REDIC1: variants seen among roughly 807,000 people sequenced by gnomAD.
REDIC1 encodes HEI10 Interacting Protein 1.
At chr12:39,665,903 A>T in the REDIC1 span, among the ~76,000 whole-genome samples, 5 of 152,104 alleles carry the variant, frequency 3.3e-5, no homozygotes, top group Non-Finnish European at 7.4e-5. Flanking sequence ...AATGCTTGTG[A>T]TTTTTGCACA....
the REDIC1 span, among the ~76,000 whole-genome samples, chr12:39,796,580 A>G: frequency 6.6e-6 from 1 of 152,002 alleles, no homozygotes; most frequent in Non-Finnish European, 1.5e-5. Context: ...TCCTAGTGAT[A>G]GTGAGCTGGC....
chr12:39,635,237 A>G, the REDIC1 span, among the ~76,000 whole-genome samples: 36 of 152,310 alleles, frequency 2.4e-4, 1 homozygote, highest in African/African-American at 8.2e-4. Flanking sequence ...CAGTGTGGCG[A>G]TTCCTCAAGG....
chr12:39,729,108 A>T, the REDIC1 span, among the ~76,000 whole-genome samples: 279 of 152,162 alleles, frequency 1.8e-3, no homozygotes, highest in African/African-American at 6.0e-3. Flanking sequence ...TCAAAAAACC[A>T]GCTCCCAGAT....
chr12:39,870,971 GC>G, the REDIC1 span, among the ~76,000 whole-genome samples: 11 of 152,256 alleles, frequency 7.2e-5, no homozygotes, highest in African/African-American at 2.6e-4. Flanking sequence ...AGTTAATGCT[GC>G]CCTGGAAACT....
chr12:39,691,620 A>T, the REDIC1 span, among the ~76,000 whole-genome samples: 1 of 152,200 alleles, frequency 6.6e-6, no homozygotes, highest in Non-Finnish European at 1.5e-5. Flanking sequence ...ATGGAAACCA[A>T]AACCAATAGT....
chr12:39,847,051 T>C, the REDIC1 span, among the ~76,000 whole-genome samples: 1 of 152,216 alleles, frequency 6.6e-6, no homozygotes, highest in South Asian at 2.1e-4. Flanking sequence ...TTCCTTTTAC[T>C]TTGCAAAGCT....
At chr12:39,778,786 A>G in the REDIC1 span, among the ~76,000 whole-genome samples, 1 of 152,158 alleles carries the variant, frequency 6.6e-6, no homozygotes, top group Non-Finnish European at 1.5e-5. Context: ...CTATCAACTT[A>G]AATACCAATG....
chr12:39,661,408 CGTT>C, the REDIC1 span, among the ~76,000 whole-genome samples: 1 of 151,998 alleles, frequency 6.6e-6, no homozygotes, highest in East Asian at 1.9e-4. Context: ...TGACTAGTGA[CGTT>C]GAGCATTTTT....
At chr12:39,646,438 C>T in the REDIC1 span, 2 of 1,547,596 alleles carry the variant, frequency 1.3e-6, no homozygotes, top group Non-Finnish European at 1.7e-6. Context: ...CTTCTAAACT[C>T]TGCCTTGATG....
chr12:39,661,008 T>C, the REDIC1 span, among the ~76,000 whole-genome samples: 4 of 152,178 alleles, frequency 2.6e-5, no homozygotes, highest in African/African-American at 9.7e-5. Context: ...AATGGATGGA[T>C]AGTATTCTGT....
the REDIC1 span, among the ~76,000 whole-genome samples, chr12:39,659,077 C>A: frequency 3.3e-5 from 5 of 151,964 alleles, no homozygotes; most frequent in South Asian, 1.0e-3. Flanking sequence ...TATTGTAGAT[C>A]TGCTGGTGAT....
At chr12:39,719,413 C>G in the REDIC1 span, among the ~76,000 whole-genome samples, 1 of 151,964 alleles carries the variant, frequency 6.6e-6, no homozygotes, top group Admixed American at 6.6e-5. Context: ...ATTGCTTGAG[C>G]CCAGGAGTTC....
chr12:39,868,374 T>C, the REDIC1 span, among the ~76,000 whole-genome samples: 1 of 152,204 alleles, frequency 6.6e-6, no homozygotes, highest in South Asian at 2.1e-4. Flanking sequence ...AGGTACAGTG[T>C]TTGGCTTATT....
the REDIC1 span, chr12:39,684,422 A>G: frequency 3.6e-6 from 1 of 281,564 alleles, no homozygotes; most frequent in Non-Finnish European, 5.4e-6. Flanking sequence ...TTGTGGAATT[A>G]TTAAAAATAT....
the REDIC1 span, among the ~76,000 whole-genome samples, chr12:39,676,842 A>G: frequency 1.3e-5 from 2 of 152,140 alleles, no homozygotes; most frequent in Non-Finnish European, 2.9e-5. Flanking sequence ...AGGATTTTCT[A>G]TCCATTGAAA....
At chr12:39,904,900 C>T in the REDIC1 span, among the ~76,000 whole-genome samples, 1 of 152,110 alleles carries the variant, frequency 6.6e-6, no homozygotes, top group African/African-American at 2.4e-5. Flanking sequence ...TGTGTAGCTG[C>T]TCCCTTGAAC....
chr12:39,752,601 A>G, the REDIC1 span, among the ~76,000 whole-genome samples: 74 of 152,290 alleles, frequency 4.9e-4, no homozygotes, highest in African/African-American at 1.7e-3. Flanking sequence ...TTCGGGTGAA[A>G]GGCATGATTG....
chr12:39,694,526 C>A, the REDIC1 span, among the ~76,000 whole-genome samples: 1 of 152,158 alleles, frequency 6.6e-6, no homozygotes. Context: ...TCAGCTGATG[C>A]CTACCCATGG....
the REDIC1 span, among the ~76,000 whole-genome samples, chr12:39,651,598 A>G: frequency 6.6e-6 from 1 of 152,178 alleles, no homozygotes; most frequent in Non-Finnish European, 1.5e-5. Flanking sequence ...GTATTTTAAT[A>G]AAGTTTAAAA....
Sources: gnomAD v4.1 joint callset for allele counts (sites outside exome capture counted in the v4.1 genomes callset) on GRCh38, gnomAD v4.1.1 for gene constraint, MANE v1.5 for transcripts, NCBI Gene and HGNC (gene_info 2026-07-23, HGNC 2026-07-21) for gene names.